Variants in THSD1 observed in about 807,000 individuals in gnomAD.
THSD1 encodes the protein thrombospondin type 1 domain containing 1.
THSD1 carries 34 observed loss-of-function variants against 46.3 expected under a neutral mutation model. The ratio of observed to expected loss-of-function variants is 0.74; its 90% CI spans 0.56 to 0.98. The LOEUF (loss-of-function observed/expected upper bound fraction) is 0.98, where lower values mean the gene tolerates loss of function less well. Among genes scored for constraint, THSD1 ranks in the 50% least tolerant of loss-of-function variants. The pLI is 0.00. For missense variants in THSD1, 1,023 were observed against 1,058.3 expected, an observed-to-expected ratio of 0.97 and a Z score of 0.46; for synonymous variants, 407 against 416.5, an observed-to-expected ratio of 0.98 and a Z score of 0.28.
At chr13:52,382,307 C>T (rs1052004503) in intron 4 of THSD1, among the ~76,000 whole-genome samples, 11 of 152,222 alleles carry the variant, frequency 7.2e-5, no homozygotes, top group Non-Finnish European at 1.2e-4. Flanking sequence ...CTCTCCATCA[C>T]TTGCCACATA....
chr13:52,392,338 TC>T (rs1957780126), intron 3 of THSD1, among the ~76,000 whole-genome samples: 1 of 152,112 alleles, frequency 6.6e-6, no homozygotes, highest in South Asian at 2.1e-4. Context: ...AAAGCAATGA[TC>T]AAATTTAAGT....
At chr13:52,380,040 C>G (rs1049100472) in intron 4 of THSD1, among the ~76,000 whole-genome samples, 1 of 152,150 alleles carries the variant, frequency 6.6e-6, no homozygotes, top group Non-Finnish European at 1.5e-5. Context: ...TGCATTCTCT[C>G]TCTTCTATTT....
Position 52,398,184 on chromosome 13 carries a change from T to C in THSD1, c.69A>G (p.Glu23=), listed in dbSNP as rs753913248. 6.2e-7 allele frequency: 1 copy of C among 1,611,822 alleles called. No homozygotes were observed. The highest frequency in any genetic ancestry group is 8.5e-7 in the Non-Finnish European group (1 of 1,178,350). ...GCTCTCTCAAGAGAAGATATTCAGCTTCTCCAAGAACTGAAATGAAGTGGT... is the reference window on the plus strand; with the variant it reads ...GCTCTCTCAAGAGAAGATATTCAGCCTCTCCAAGAACTGAAATGAAGTGGT... The part of the protein sequence containing the change: ...LVVLCDYVLG[E]AEYLLLREPG... The change falls in exon 3 of 5, where the codon GAA becomes GAG. Residue 23 remains glutamate (E), a synonymous_variant. Coordinates refer to ENST00000258613, the MANE Select transcript of THSD1 (RefSeq NM_018676.4).
Position 52,377,776 on chromosome 13 carries a change from C to T in THSD1, c.2194G>A (p.Gly732Arg). ...AGGTCTGGTTTCCTCAAGGGCTGCC[C>T]CAAAGTGTAGGATTTAGGGAGAGGG... Reference protein sequence around the residue: ...LNPLPKSYTLGQPLRKPDLGD... With the variant: ...LNPLPKSYTLRQPLRKPDLGD... Residue 732 changes from glycine (G) to arginine (R), a missense_variant, in exon 5 of 5, where the codon GGG (glycine) becomes AGG (arginine). Gly to Arg is a moderately radical substitution (Grantham distance 125). Transcript: ENST00000258613. 1.2e-6 allele frequency: 2 copies of T among 1,614,172 alleles called. No individual in the cohort carries two copies. Among genetic ancestry groups the T allele is most frequent in the African/African-American group, 1.3e-5 (1 of 75,048 alleles).
intron 2 of THSD1, among the ~76,000 whole-genome samples, chr13:52,400,997 G>A (rs894722575): frequency 1.1e-4 from 17 of 151,950 alleles, no homozygotes; most frequent in Non-Finnish European, 1.9e-4. Flanking sequence ...TTTTTGAGAC[G>A]GACTTTTGCT....
rs768589132 is a variant in THSD1 at position 52,386,115 on chromosome 13, G to A, written c.1093C>T (p.Arg365Ter). The change falls in exon 4 of 5, where the codon CGA becomes TGA. Residue 365 changes from arginine to a stop codon, truncating the protein, a stop_gained. Transcript: ENST00000258613. LOFTEE classifies it high-confidence loss of function. ...TCGDGVRERRRVCLTSFPSSP... is the reference protein window; with the variant it reads ...TCGDGVRERR ...GAGGGGAAGGAAGTGAGACACACTCGGCGACGCTCTCTGACACCATCCCCA... is the reference window on the plus strand; with the variant it reads ...GAGGGGAAGGAAGTGAGACACACTCAGCGACGCTCTCTGACACCATCCCCA... 4.3e-6 allele frequency: 7 copies of A among 1,613,996 alleles called. No homozygotes were observed. The highest frequency in any genetic ancestry group is 1.7e-5 in the Admixed American group (1 of 59,990).
In THSD1 at chr13:52,378,299, A is replaced by C. The variant is rs759598938; in HGVS notation, c.1671T>G (p.Ser557Arg). Reference protein sequence around the residue: ...ETTKVYHVSQSPLTDTAIDAA... With the variant: ...ETTKVYHVSQRPLTDTAIDAA... ...CATCAATGGCAGTGTCTGTCAGGGG[A>C]CTCTGAGACACGTGATACACTTTGG... The change falls in exon 5 of 5, where the codon AGT becomes AGG. Residue 557 changes from serine to arginine, a missense_variant. By Grantham distance (110) the Ser-to-Arg change is moderately radical. Around this residue, in one of 3 missense-constraint regions of THSD1, gnomAD observed 578 missense variants for 497.4 expected, o/e 1.16. Coordinates refer to ENST00000258613, the MANE Select transcript of THSD1 (RefSeq NM_018676.4). 2 of 1,613,760 alleles carry C rather than the reference A, an allele frequency of 1.2e-6. No homozygotes were observed. Among genetic ancestry groups the C allele is most frequent in the Admixed American group, 3.3e-5 (2 of 59,964 alleles).
intron 3 of THSD1, among the ~76,000 whole-genome samples, chr13:52,388,182 A>T (rs935735150): frequency 3.5e-5 from 5 of 141,716 alleles, no homozygotes; most frequent in Non-Finnish European, 7.6e-5. Flanking sequence ...CCACCCCAGT[A>T]AAAAAAAAAA....
chr13:52,384,446 A>G, intron 4 of THSD1: 1 of 455,916 alleles, frequency 2.2e-6, no homozygotes, highest in South Asian at 1.5e-5. Flanking sequence ...AAATAAGAAT[A>G]TGCCTACTTT....
In THSD1 at chr13:52,378,164, C is replaced by T; in HGVS notation, c.1806G>A (p.Arg602=). The change falls in exon 5 of 5, where the codon AGG becomes AGA. Residue 602 remains arginine, a synonymous_variant. Coordinates refer to ENST00000258613, the MANE Select transcript of THSD1 (RefSeq NM_018676.4). ...CATTTAGATCCAGCCTGGAGGGAGGCCTTTCCCCGGCACTGACCGCGGGCT... is the reference window on the plus strand; with the variant it reads ...CATTTAGATCCAGCCTGGAGGGAGGTCTTTCCCCGGCACTGACCGCGGGCT... The part of the protein sequence containing the change: ...PEQPAVSAGE[R]PPSRLDLNVT... The T allele has an allele frequency of 2.5e-6, 4 of 1,614,152 alleles. No homozygotes were observed. The highest frequency in any genetic ancestry group is 2.5e-6 in the Non-Finnish European group (3 of 1,180,022).
chr13:52,403,378 C>T (rs1157765976), intron 1 of THSD1, among the ~76,000 whole-genome samples: 3 of 152,178 alleles, frequency 2.0e-5, no homozygotes, highest in Admixed American at 1.3e-4. Flanking sequence ...GTATGCATCA[C>T]GAGATCGGTG....
intron 4 of THSD1, among the ~76,000 whole-genome samples, chr13:52,381,348 C>A (rs1234099468): frequency 1.3e-5 from 2 of 152,166 alleles, no homozygotes; most frequent in Admixed American, 1.3e-4. Context: ...AGAAAATGAA[C>A]AACCATGCAG....
intron 3 of THSD1, among the ~76,000 whole-genome samples, chr13:52,391,739 TC>T (rs1957774282): frequency 6.6e-6 from 1 of 151,832 alleles, no homozygotes; most frequent in Admixed American, 6.6e-5. Context: ...TGATGAGGTT[TC>T]ACTATGTTGG....
chr13:52,405,713 G>A (rs1439413504), intron 1 of THSD1, among the ~76,000 whole-genome samples: 1 of 152,184 alleles, frequency 6.6e-6, no homozygotes, highest in Non-Finnish European at 1.5e-5. Context: ...ATATCAGAAA[G>A]GATTTCTTTT....
At position 52,397,818 on chromosome 13, in the gene THSD1, G is replaced by C. The variant is rs1355158832; in HGVS notation, c.435C>G (p.Phe145Leu). The C allele has an allele frequency of 3.7e-6, 6 of 1,614,132 alleles. No individual in the cohort carries two copies. Among genetic ancestry groups the C allele is most frequent in the Non-Finnish European group, 5.1e-6 (6 of 1,180,060 alleles). ...NRSAKAAEGTFQVGLFTSQPL... is the reference protein window; with the variant it reads ...NRSAKAAEGTLQVGLFTSQPL... Reference sequence around the variant, plus strand: ...GTTGACTGGTAAATAGGCCCACTTGGAAGGTGCCTTCTGCTGCCTTGGCAC... The same window carrying C: ...GTTGACTGGTAAATAGGCCCACTTGCAAGGTGCCTTCTGCTGCCTTGGCAC... The change falls in exon 3 of 5, where the codon TTC (phenylalanine) becomes TTG (leucine). Residue 145 changes from phenylalanine (F) to leucine (L), a missense_variant. By Grantham distance (22) the Phe-to-Leu change is conservative. Transcript: ENST00000258613.
At chr13:52,380,434 A>G (rs1288517483) in intron 4 of THSD1, among the ~76,000 whole-genome samples, 6 of 149,740 alleles carry the variant, frequency 4.0e-5, no homozygotes, top group Admixed American at 1.3e-4. Context: ...CCTTGTCCCA[A>G]CTGAAGCCAG....
At chr13:52,405,970 G>A (rs1594106846) in intron 1 of THSD1, 61 bp downstream of exon 1, 1 of 152,244 alleles carries the variant, frequency 6.6e-6, no homozygotes, top group African/African-American at 2.4e-5. Flanking sequence ...CGACCCCAGA[G>A]GAGCCTCCAA....
chr13:52,394,618 A>G (rs1351523527), intron 3 of THSD1, among the ~76,000 whole-genome samples: 1 of 152,048 alleles, frequency 6.6e-6, no homozygotes, highest in Non-Finnish European at 1.5e-5. Flanking sequence ...TCCCAGAAAA[A>G]AAAAAAAAAA....
intron 4 of THSD1, among the ~76,000 whole-genome samples, chr13:52,383,275 A>G (rs1364526927): frequency 1.3e-5 from 2 of 152,222 alleles, no homozygotes; most frequent in African/African-American, 2.4e-5. Context: ...CTTCATTATT[A>G]AAAAGGCAAT....
Sources: gnomAD v4.1 joint callset for allele counts (sites outside exome capture counted in the v4.1 genomes callset) on GRCh38, gnomAD v4.1.1 for gene constraint, gnomAD v4.1.1 regional missense constraint, MANE v1.5 for transcripts, NCBI Gene and HGNC (gene_info 2026-07-23, HGNC 2026-07-21) for gene names.